Variants in ZNF385D observed in about 807,000 individuals in gnomAD.
The protein encoded by ZNF385D is zinc finger protein 385D, also known as zinc finger protein 659.
A neutral mutation model predicts 35.8 loss-of-function variants in ZNF385D; 15 were observed. That is an observed-to-expected ratio of 0.42 (90% confidence interval 0.28 to 0.64). The LOEUF is 0.64. Among genes scored for constraint, ZNF385D ranks in the 30% least tolerant of loss-of-function variants. ZNF385D has a pLI of 0.23. For missense variants in ZNF385D, 474 were observed against 494.6 expected, an observed-to-expected ratio of 0.96 and a Z score of 0.39; for synonymous variants, 212 against 186.8, an observed-to-expected ratio of 1.13 and a Z score of -1.10.
chr3:21,486,334 T>G (rs1427245199), intron 4 of ZNF385D, among the ~76,000 whole-genome samples: 10 of 150,256 alleles, frequency 6.7e-5, no homozygotes, highest in Non-Finnish European at 1.2e-4. Flanking sequence ...GAGCCAAGTC[T>G]CATAAACCCA....
intron 3 of ZNF385D, among the ~76,000 whole-genome samples, chr3:21,896,494 G>T (rs1699143735): frequency 6.6e-6 from 1 of 152,152 alleles, no homozygotes; most frequent in African/African-American, 2.4e-5. Context: ...ATTTTGAACT[G>T]AATTATATGG....
intron 2 of ZNF385D, among the ~76,000 whole-genome samples, chr3:22,369,793 CCTA>C (rs1696816917): frequency 6.6e-6 from 1 of 151,514 alleles, no homozygotes; most frequent in African/African-American, 2.4e-5. Flanking sequence ...TGTTCTTACT[CCTA>C]CTTTTAAAAC....
intron 3 of ZNF385D, among the ~76,000 whole-genome samples, chr3:22,022,965 A>G (rs1451551001): frequency 6.6e-6 from 1 of 152,140 alleles, no homozygotes; most frequent in Non-Finnish European, 1.5e-5. Flanking sequence ...TGAAAATAAA[A>G]ATTGGGAGTC....
chr3:22,127,764 G>A (rs973471087), intron 3 of ZNF385D, among the ~76,000 whole-genome samples: 1 of 151,952 alleles, frequency 6.6e-6, no homozygotes, highest in East Asian at 1.9e-4. Flanking sequence ...AACAAGCAAA[G>A]GAAAAACTAA....
intron 3 of ZNF385D, among the ~76,000 whole-genome samples, chr3:21,915,269 T>C (rs866806560): frequency 1.3e-5 from 2 of 152,100 alleles, no homozygotes; most frequent in Non-Finnish European, 2.9e-5. Flanking sequence ...ACAGAACTGC[T>C]GACACTATGA....
In ZNF385D at chr3:22,116,296, T is replaced by C. The variant is rs1158642900; in HGVS notation, c.325+52521A>G. ...ACTTAACACCAAATAACACTTTTTATTGAAGTCACATTTACTGAAACCCAT... is the reference window on the plus strand; with the variant it reads ...ACTTAACACCAAATAACACTTTTTACTGAAGTCACATTTACTGAAACCCAT... On this transcript the variant is annotated intron_variant, in intron 3 of 5. Coordinates refer to the ZNF385D transcript ENST00000494108. 7.2e-5 allele frequency among the ~76,000 whole-genome samples: 11 copies of C among 152,192 alleles called. No individual in the cohort carries two copies. In the East Asian group the frequency reaches 1.9e-3, roughly 27 times the overall value.
At chr3:21,616,827 C>G (rs2064860873) in intron 2 of ZNF385D, among the ~76,000 whole-genome samples, 2 of 152,124 alleles carry the variant, frequency 1.3e-5, no homozygotes, top group South Asian at 4.1e-4. Flanking sequence ...TAACACAGGT[C>G]ACTTTGAAGC....
At chr3:22,168,898 G>C (rs1447915633) in exon 3 of ZNF385D, 1 of 985,810 alleles carries the variant, frequency 1.0e-6, no homozygotes, top group Non-Finnish European at 1.2e-6. Flanking sequence ...ATTTGTGCTT[G>C]AGCGGCTGAA....
chr3:21,712,623 G>A (rs2068157110), intron 1 of ZNF385D, among the ~76,000 whole-genome samples: 1 of 152,072 alleles, frequency 6.6e-6, no homozygotes, highest in East Asian at 1.9e-4. Context: ...TATATATATT[G>A]ATTTCTAATG....
At chr3:21,680,136 C>T (rs914588792) in intron 1 of ZNF385D, among the ~76,000 whole-genome samples, 2 of 152,012 alleles carry the variant, frequency 1.3e-5, no homozygotes, top group African/African-American at 4.8e-5. Context: ...CCTGTTCTGT[C>T]ACCTCTTCTC....
chr3:22,283,796 T>A (rs1701889920), intron 2 of ZNF385D, among the ~76,000 whole-genome samples: 1 of 152,186 alleles, frequency 6.6e-6, no homozygotes, highest in African/African-American at 2.4e-5. Context: ...TTTATTTGGA[T>A]TCCCTGTATC....
At chr3:21,745,045 C>T (rs1225184868) in intron 1 of ZNF385D, among the ~76,000 whole-genome samples, 1 of 152,110 alleles carries the variant, frequency 6.6e-6, no homozygotes, top group Admixed American at 6.5e-5. Flanking sequence ...TTCTAAGTGC[C>T]TGGCACTAAC....
At chr3:22,316,761 C>T (rs929800224) in intron 2 of ZNF385D, among the ~76,000 whole-genome samples, 1 of 152,124 alleles carries the variant, frequency 6.6e-6, no homozygotes, top group African/African-American at 2.4e-5. Context: ...ACCAAGTCAG[C>T]TTTTAGTGTT....
intron 1 of ZNF385D, among the ~76,000 whole-genome samples, chr3:21,729,459 G>C (rs1029022331): frequency 6.6e-6 from 1 of 151,986 alleles, no homozygotes; most frequent in African/African-American, 2.4e-5. Context: ...ATTTCTACAA[G>C]CAGTGGAAGG....
intron 3 of ZNF385D, among the ~76,000 whole-genome samples, chr3:21,993,502 C>T (rs1362150629): frequency 2.0e-5 from 3 of 152,032 alleles, no homozygotes; most frequent in Non-Finnish European, 4.4e-5. Flanking sequence ...TATCACTTCC[C>T]ACAAAAACAT....
chr3:21,981,223 G>A (rs1250658421), intron 3 of ZNF385D, among the ~76,000 whole-genome samples: 1 of 152,082 alleles, frequency 6.6e-6, no homozygotes, highest in Non-Finnish European at 1.5e-5. Context: ...AACCTCACAA[G>A]CATCTGTTAC....
chr3:21,771,712 A>T (rs2071084961), intron 3 of ZNF385D, among the ~76,000 whole-genome samples: 1 of 151,962 alleles, frequency 6.6e-6, no homozygotes, highest in Admixed American at 6.6e-5. Flanking sequence ...AGACAAGACC[A>T]TCAAGATGGG....
intron 3 of ZNF385D, among the ~76,000 whole-genome samples, chr3:21,912,152 T>C (rs259545): frequency 0.7 from 105,913 of 151,786 alleles, 37,347 homozygotes; most frequent in South Asian, 0.84. Flanking sequence ...GCTATCGTGT[T>C]GTGAACTCTG....
intron 3 of ZNF385D, among the ~76,000 whole-genome samples, chr3:21,836,865 T>C (rs1324037337): frequency 6.6e-6 from 1 of 152,066 alleles, no homozygotes; most frequent in Non-Finnish European, 1.5e-5. Context: ...CCAGCTTAAA[T>C]ATCTTAGAAT....
Sources: allele counts gnomAD v4.1 joint callset (sites outside exome capture counted in the v4.1 genomes callset), GRCh38; gene constraint gnomAD v4.1.1; transcripts MANE v1.5; gene names NCBI Gene and HGNC (gene_info 2026-07-23, HGNC 2026-07-21).